COL11A1: variants seen among roughly 807,000 people sequenced by gnomAD.
The protein encoded by COL11A1 is collagen type XI alpha 1 chain.
In COL11A1, 74 loss-of-function variants were observed where a neutral mutation model predicts 265.2. The ratio of observed to expected loss-of-function variants is 0.28; its 90% CI spans 0.23 to 0.34. COL11A1 has a LOEUF of 0.34. Ranked by LOEUF, COL11A1 falls within the 10% of genes least tolerant of loss-of-function variation. The pLI is 1.00. For synonymous variants in COL11A1, 816 were observed against 727.6 expected (o/e 1.12, Z -1.96); for missense variants, 2,165 against 2,263.6 (o/e 0.96, Z 0.88).
At chr1:102,930,629 C>T (rs914364420) in intron 46 of COL11A1, among the ~76,000 whole-genome samples, 183 of 152,302 alleles carry the variant, frequency 1.2e-3, no homozygotes, top group Non-Finnish European at 2.3e-3. Context: ...GGAGGATTCC[C>T]TCTTTTTCTG....
chr1:102,980,253 A>C (rs915086120), intron 31 of COL11A1, among the ~76,000 whole-genome samples: 1 of 152,116 alleles, frequency 6.6e-6, no homozygotes, highest in African/African-American at 2.4e-5. Flanking sequence ...AATTATTTTA[A>C]AATGAAATGT....
At chr1:102,956,229 G>A (rs968097809) in intron 41 of COL11A1, among the ~76,000 whole-genome samples, 1 of 152,064 alleles carries the variant, frequency 6.6e-6, no homozygotes, top group Non-Finnish European at 1.5e-5. Context: ...TTTATTTACA[G>A]CTTCAATTCA....
chr1:102,918,683 CTG>C (rs1163365694), intron 49 of COL11A1, among the ~76,000 whole-genome samples: 6 of 151,946 alleles, frequency 3.9e-5, no homozygotes, highest in South Asian at 2.1e-4. Flanking sequence ...AAAATTAAAA[CTG>C]TGTTTTTTAG....
intron 9 of COL11A1, among the ~76,000 whole-genome samples, chr1:103,019,275 C>T (rs1174311171): frequency 6.6e-6 from 1 of 151,928 alleles, no homozygotes; most frequent in Non-Finnish European, 1.5e-5. Flanking sequence ...GGAAAATAAG[C>T]ACTTTAATTC....
intron 1 of COL11A1, among the ~76,000 whole-genome samples, chr1:103,102,030 C>A (rs1674318926): frequency 6.6e-6 from 1 of 151,988 alleles, no homozygotes; most frequent in Non-Finnish European, 1.5e-5. Flanking sequence ...AAGACTGCAA[C>A]TGATAAATAG....
intron 49 of COL11A1, among the ~76,000 whole-genome samples, chr1:102,920,073 A>G (rs1040249579): frequency 2.6e-5 from 4 of 152,086 alleles, no homozygotes; most frequent in Non-Finnish European, 5.9e-5. Context: ...CGTAATTGTG[A>G]GGTTCCTGCT....
chr1:103,000,451 T>G (rs1048294534), intron 24 of COL11A1, among the ~76,000 whole-genome samples: 5 of 151,916 alleles, frequency 3.3e-5, no homozygotes, highest in African/African-American at 1.2e-4. Flanking sequence ...CCAAAAGAGT[T>G]TAACAGCTAT....
At chr1:102,999,959 T>C (rs75769846) in intron 24 of COL11A1, among the ~76,000 whole-genome samples, 4 of 151,842 alleles carry the variant, frequency 2.6e-5, no homozygotes, top group East Asian at 3.9e-4. Flanking sequence ...TGGTAAGAGA[T>C]TGATTTTGAA....
chr1:102,966,475 A>C (rs960306468), intron 37 of COL11A1, among the ~76,000 whole-genome samples: 3 of 152,214 alleles, frequency 2.0e-5, no homozygotes, highest in Non-Finnish European at 4.4e-5. Flanking sequence ...GTAGGTAAAG[A>C]GTCTGTAATT....
chr1:102,932,354 G>T (rs148008537), intron 46 of COL11A1, among the ~76,000 whole-genome samples: 9,026 of 152,012 alleles, frequency 0.059, 326 homozygotes, highest in Non-Finnish European at 0.085. Flanking sequence ...ACTTATGAAG[G>T]TTAGTTTGGC....
At chr1:103,095,178 A>G (rs1453823075) in intron 1 of COL11A1, among the ~76,000 whole-genome samples, 2 of 152,058 alleles carry the variant, frequency 1.3e-5, no homozygotes, top group African/African-American at 4.8e-5. Flanking sequence ...TGGAATAACA[A>G]ACTATGGGAA....
At chr1:102,947,500 C>A (rs896310971) in intron 41 of COL11A1, among the ~76,000 whole-genome samples, 3 of 152,076 alleles carry the variant, frequency 2.0e-5, no homozygotes, top group Non-Finnish European at 2.9e-5. Context: ...ATCCTAAAGT[C>A]TGGACGTTTT....
chr1:103,097,027 T>C (rs187361086), intron 1 of COL11A1, among the ~76,000 whole-genome samples: 1 of 152,128 alleles, frequency 6.6e-6, no homozygotes, highest in African/African-American at 2.4e-5. Context: ...CTAATTACTG[T>C]TGAGAACCCC....
In COL11A1 at chr1:102,996,031, A is replaced by T; in HGVS notation, c.2253T>A (p.Gly751=). 2 of 1,613,306 alleles carry T rather than the reference A, an allele frequency of 1.2e-6. No homozygotes were observed. Among genetic ancestry groups the T allele is most frequent in the Non-Finnish European group, 1.7e-6 (2 of 1,179,506 alleles). The part of the protein sequence containing the change: ...SGEKGALGPP[G]PQGPIGYPGP... ...CCGGGTATCCAATAGGACCTTGTGG[A>T]CCAGGGGGACCCTGAAATAGATGAA... Residue 751 remains glycine (G), a synonymous_variant, in exon 27 of 67, where the codon GGT becomes GGA. Coordinates refer to ENST00000370096, the MANE Select transcript of COL11A1 (RefSeq NM_001854.4).
In COL11A1 at chr1:102,888,773, T is replaced by C. The variant is rs764392474; in HGVS notation, c.4519-15A>G. On this transcript the variant is annotated splice_polypyrimidine_tract_variant and intron_variant, in intron 60 of 66. Coordinates refer to ENST00000370096, the MANE Select transcript of COL11A1 (RefSeq NM_001854.4). ...CCTTGAGGACCCTACAAAATGCAAATGCAAAAGCACAGATAAAAATCTGGA... is the reference window on the plus strand; with the variant it reads ...CCTTGAGGACCCTACAAAATGCAAACGCAAAAGCACAGATAAAAATCTGGA... The C allele has an allele frequency of 5.0e-6, 8 of 1,613,786 alleles. No individual in the cohort carries two copies. In the Admixed American group the frequency reaches 5.0e-5, roughly 10 times the overall value.
Position 102,888,558 on chromosome 1 carries a change from CT to C in COL11A1, c.4608+18del, listed in dbSNP as rs1320320959. 1 of 1,608,332 alleles carries C rather than the reference CT, an allele frequency of 6.2e-7. No individual in the cohort carries two copies. The highest frequency in any genetic ancestry group is 8.5e-7 in the Non-Finnish European group (1 of 1,174,930). On this transcript the variant is annotated intron_variant, in intron 62 of 66. Coordinates refer to ENST00000370096, the MANE Select transcript of COL11A1 (RefSeq NM_001854.4). ...AGATGCAAACTGTCAGAACATCACTCTTGTTAACATATACTTACTGGAGACC... is the reference window on the plus strand; with the variant it reads ...AGATGCAAACTGTCAGAACATCACTCTGTTAACATATACTTACTGGAGACC...
At position 102,977,932 on chromosome 1, in the gene COL11A1, A is replaced by G. The variant is rs182452464; in HGVS notation, c.2754+776T>C. ...CTCAAATAAAAATTATTCATTTTCAATTTTAGGTTATGCATTGCAAGGTAT... is the reference window on the plus strand; with the variant it reads ...CTCAAATAAAAATTATTCATTTTCAGTTTTAGGTTATGCATTGCAAGGTAT... On this transcript the variant is annotated intron_variant, in intron 35 of 66. Transcript: ENST00000370096. 1.7e-3 allele frequency among the ~76,000 whole-genome samples: 253 copies of G among 152,242 alleles called. 1 individual carries two copies. Among genetic ancestry groups the G allele is most frequent in the Middle Eastern group, 0.01 (3 of 294 alleles).
intron 4 of COL11A1, among the ~76,000 whole-genome samples, chr1:103,044,356 A>G (rs1005349433): frequency 6.6e-6 from 1 of 152,116 alleles, no homozygotes; most frequent in Non-Finnish European, 1.5e-5. Context: ...ACTACTTCCC[A>G]CACAGCCCTT....
intron 46 of COL11A1, among the ~76,000 whole-genome samples, chr1:102,924,286 A>G (rs908041848): frequency 6.6e-6 from 1 of 152,208 alleles, no homozygotes; most frequent in Admixed American, 6.5e-5. Context: ...ACTGATATTT[A>G]GGAAAAGCTC....
Sources: gnomAD v4.1 joint callset for allele counts (sites outside exome capture counted in the v4.1 genomes callset) on GRCh38, gnomAD v4.1.1 for gene constraint, MANE v1.5 for transcripts, NCBI Gene and HGNC (gene_info 2026-07-23, HGNC 2026-07-21) for gene names.